The following GPM6A variants were observed in gnomAD, a reference collection of about 807,000 sequenced individuals.
GPM6A encodes glycoprotein M6A, also known as neuronal membrane glycoprotein M6-a.
Under a neutral mutation model 32.1 loss-of-function variants are expected in GPM6A, and 7 were observed. The observed-to-expected ratio is 0.22, with a 90% CI of 0.12 to 0.41. The LOEUF (loss-of-function observed/expected upper bound fraction) is 0.41. Among genes scored for constraint, GPM6A ranks in the 10% least tolerant of loss-of-function variants. The probability of loss-of-function intolerance (pLI) is 1.00; values close to 1 mark genes in which losing one functional copy is unlikely to be tolerated. For missense variants in GPM6A, 235 were observed against 347.2 expected (o/e 0.68, Z 2.57); for synonymous variants, 130 against 123.4 (o/e 1.05, Z -0.35).
chr4:175,868,150 TG>T (rs1377765038), intron 1 of GPM6A, among the ~76,000 whole-genome samples: 3 of 152,208 alleles, frequency 2.0e-5, no homozygotes, highest in Non-Finnish European at 4.4e-5. Flanking sequence ...CATGAGTCTT[TG>T]ATCTGGCAAG....
chr4:175,792,912 C>T (rs115766167), intron 1 of GPM6A, among the ~76,000 whole-genome samples: 4,194 of 152,184 alleles, frequency 0.028, 189 homozygotes, highest in African/African-American at 0.094. Flanking sequence ...ACCATGGTGA[C>T]GCATGCCTGT....
chr4:175,775,018 T>C (rs551426381), intron 1 of GPM6A, among the ~76,000 whole-genome samples: 1 of 152,210 alleles, frequency 6.6e-6, no homozygotes, highest in African/African-American at 2.4e-5. Flanking sequence ...TATCAGGATA[T>C]AAGGTGAACA....
intron 1 of GPM6A, among the ~76,000 whole-genome samples, chr4:175,835,603 A>G (rs1001359540): frequency 2.8e-5 from 4 of 145,450 alleles, no homozygotes; most frequent in African/African-American, 1.0e-4. Flanking sequence ...TAGCATACCC[A>G]AGTATATGTG....
chr4:175,856,249 A>G lies in GPM6A; in HGVS notation c.-22-44000T>C, dbSNP rs1468877481. On this transcript the variant is annotated intron_variant, in intron 1 of 7. Transcript: ENST00000280187. ...ACAAAGTATTACTTCATTAATTATA[A>G]CAAATATACCGTACTGAGATGGGAG... Among the ~76,000 whole-genome samples the G allele has an allele frequency of 2.6e-5, 4 of 152,260 alleles. No homozygotes were observed. The East Asian group carries it at 7.7e-4, about 29-fold the overall frequency.
chr4:175,807,828 A>T (rs1734755391), intron 1 of GPM6A, among the ~76,000 whole-genome samples: 1 of 151,948 alleles, frequency 6.6e-6, no homozygotes, highest in Non-Finnish European at 1.5e-5. Context: ...TAGTGTAGAG[A>T]GTGGGGTTGA....
intron 1 of GPM6A, among the ~76,000 whole-genome samples, chr4:175,926,974 C>T (rs1738861581): frequency 6.6e-6 from 1 of 152,126 alleles, no homozygotes. Context: ...CAAATAGGTG[C>T]CCATGCTGTT....
chr4:175,728,517 A>T (rs1731278720), intron 1 of GPM6A, among the ~76,000 whole-genome samples: 2 of 152,322 alleles, frequency 1.3e-5, no homozygotes, highest in South Asian at 4.1e-4. Context: ...ATAAAGATAC[A>T]AATAATTATT....
chr4:175,698,814 A>G (rs1744715095), intron 2 of GPM6A, among the ~76,000 whole-genome samples: 1 of 152,180 alleles, frequency 6.6e-6, no homozygotes, highest in Admixed American at 6.6e-5. Flanking sequence ...AATACATAAT[A>G]TAACAGAGCA....
chr4:175,749,899 G>A (rs1422381806), intron 1 of GPM6A, among the ~76,000 whole-genome samples: 6 of 152,094 alleles, frequency 3.9e-5, no homozygotes, highest in Non-Finnish European at 5.9e-5. Flanking sequence ...TATGCCTTCT[G>A]TGTCCTTTGT....
intron 1 of GPM6A, among the ~76,000 whole-genome samples, chr4:175,953,723 A>G (rs1739893762): frequency 6.6e-6 from 1 of 152,026 alleles, no homozygotes; most frequent in Non-Finnish European, 1.5e-5. Context: ...AACATGGAGA[A>G]ACCCCGTCTC....
At chr4:175,924,781 A>G (rs1204053072) in intron 1 of GPM6A, among the ~76,000 whole-genome samples, 1 of 150,646 alleles carries the variant, frequency 6.6e-6, no homozygotes, top group African/African-American at 2.4e-5. Context: ...CAGAGTTTGC[A>G]GTGAGTGGAG....
In GPM6A at chr4:175,835,931, G is replaced by A. The variant is rs533304521; in HGVS notation, c.-22-23682C>T. ...AGAGAAGAGCATAAAGGTGTAGAAC[G>A]TGGAAAGTTTTTTGTAGGTCTGGCC... On this transcript the variant is annotated intron_variant, in intron 1 of 7. Transcript: ENST00000280187. Among the ~76,000 whole-genome samples the A allele has an allele frequency of 3.4e-5, 5 of 146,894 alleles. No individual in the cohort carries two copies. The East Asian group carries it at 9.9e-4, about 29-fold the overall frequency.
chr4:175,965,339 A>G (rs1740300840), intron 1 of GPM6A, among the ~76,000 whole-genome samples: 1 of 152,188 alleles, frequency 6.6e-6, no homozygotes. Flanking sequence ...GAAAAAAAGA[A>G]AGATAGAAAA....
chr4:175,955,264 A>C (rs1739948734), intron 1 of GPM6A, among the ~76,000 whole-genome samples: 1 of 152,210 alleles, frequency 6.6e-6, no homozygotes, highest in Non-Finnish European at 1.5e-5. Flanking sequence ...AAAATCTAGT[A>C]AGTTCATTTG....
intron 1 of GPM6A, among the ~76,000 whole-genome samples, chr4:175,853,449 G>T (rs1228483679): frequency 6.7e-6 from 1 of 148,838 alleles, no homozygotes; most frequent in Non-Finnish European, 1.5e-5. Flanking sequence ...TATTAAGGAA[G>T]TATTAAATAA....
At chr4:175,796,553 C>T (rs565346921) in intron 1 of GPM6A, among the ~76,000 whole-genome samples, 6 of 152,216 alleles carry the variant, frequency 3.9e-5, no homozygotes, top group Non-Finnish European at 8.8e-5. Context: ...TGTTTGAATG[C>T]TTCTGTTTAT....
intron 1 of GPM6A, among the ~76,000 whole-genome samples, chr4:175,853,091 A>T (rs1036323783): frequency 3.3e-5 from 5 of 152,098 alleles, no homozygotes; most frequent in African/African-American, 1.2e-4. Flanking sequence ...GGACTACAGA[A>T]CACTATTGAA....
chr4:175,686,396 A>T (rs1334738404), intron 2 of GPM6A, among the ~76,000 whole-genome samples: 1 of 152,214 alleles, frequency 6.6e-6, no homozygotes, highest in Non-Finnish European at 1.5e-5. Flanking sequence ...TCATGGCATA[A>T]ATTGTGATTG....
At chr4:175,822,237 A>G (rs1735298287) in intron 1 of GPM6A, among the ~76,000 whole-genome samples, 1 of 152,134 alleles carries the variant, frequency 6.6e-6, no homozygotes, top group Non-Finnish European at 1.5e-5. Context: ...TGCATTCCCA[A>G]ACAGAGAATT....
Sources: allele counts gnomAD v4.1 joint callset (sites outside exome capture counted in the v4.1 genomes callset), GRCh38; gene constraint gnomAD v4.1.1; transcripts MANE v1.5; gene names NCBI Gene and HGNC (gene_info 2026-07-23, HGNC 2026-07-21).